SGSM1: variants seen among roughly 807,000 people sequenced by gnomAD.
SGSM1 encodes the protein RUN and TBC1 domain containing 2.
In SGSM1, 73 loss-of-function variants were observed where a neutral mutation model predicts 133.8. The observed-to-expected ratio is 0.55, with a 90% CI of 0.45 to 0.66. SGSM1 has a LOEUF of 0.66. Ranked by LOEUF, SGSM1 falls within the 30% of genes least tolerant of loss-of-function variation. The pLI is 0.00. For missense variants in SGSM1, 1,213 were observed against 1,448.1 expected (o/e 0.84, Z 2.64); for synonymous variants, 563 against 573.0 (o/e 0.98, Z 0.25).
chr22:24,884,280 G>A, intron 15 of SGSM1, 82 bp downstream of exon 15: 1 of 1,508,010 alleles, frequency 6.6e-7, no homozygotes, highest in East Asian at 2.3e-5. Context: ...AAGCCCACAT[G>A]CTTGTGGGGA....
intron 20 of SGSM1, among the ~76,000 whole-genome samples, chr22:24,903,111 A>T (rs1375026352): frequency 1.3e-5 from 2 of 152,194 alleles, no homozygotes; most frequent in East Asian, 3.8e-4. Context: ...TTCTCCCTTC[A>T]TCTCTGCCCG....
chr22:24,812,982 C>T (rs1244810225), intron 2 of SGSM1, among the ~76,000 whole-genome samples: 1 of 152,080 alleles, frequency 6.6e-6, no homozygotes, highest in Non-Finnish European at 1.5e-5. Flanking sequence ...TTAAAGGTAA[C>T]AAGAGCTCCA....
chr22:24,882,076 C>G (rs6004343), intron 14 of SGSM1, among the ~76,000 whole-genome samples: 15,676 of 151,844 alleles, frequency 0.1, 930 homozygotes, highest in South Asian at 0.22. Flanking sequence ...AAAATTTCTA[C>G]TTTTATTTTA....
At chr22:24,841,651 A>G (rs560898701) in intron 2 of SGSM1, among the ~76,000 whole-genome samples, 2 of 152,340 alleles carry the variant, frequency 1.3e-5, no homozygotes, top group Non-Finnish European at 2.9e-5. Flanking sequence ...GGTGATGGTG[A>G]CTTGGACTGG....
chr22:24,862,423 AG>A (rs111841536), intron 9 of SGSM1, among the ~76,000 whole-genome samples: 8 of 152,318 alleles, frequency 5.3e-5, no homozygotes, highest in African/African-American at 1.7e-4. Flanking sequence ...AGAAGATTGT[AG>A]TCACACAGTC....
At chr22:24,885,147 C>T (rs556669602) in intron 15 of SGSM1, among the ~76,000 whole-genome samples, 2 of 152,160 alleles carry the variant, frequency 1.3e-5, no homozygotes, top group East Asian at 3.9e-4. Context: ...GTTGGTCAGG[C>T]TGGTCTCAAA....
At chr22:24,847,587 G>C in intron 3 of SGSM1, 47 bp from the exon 4 acceptor site, 14 of 1,594,844 alleles carry the variant, frequency 8.8e-6, no homozygotes, top group Non-Finnish European at 1.2e-5. Context: ...GCTGGGTGCT[G>C]GAGTGCATGG....
intron 2 of SGSM1, among the ~76,000 whole-genome samples, chr22:24,825,674 C>G (rs1006491226): frequency 3.9e-5 from 6 of 152,200 alleles, no homozygotes; most frequent in African/African-American, 1.4e-4. Context: ...AGGTGATCCA[C>G]CCGCCTCAGC....
chr22:24,859,010 T>C (rs1381963342), intron 8 of SGSM1, among the ~76,000 whole-genome samples: 2 of 152,242 alleles, frequency 1.3e-5, no homozygotes, highest in African/African-American at 2.4e-5. Flanking sequence ...TGTGTGTCTT[T>C]GGATCAATGA....
chr22:24,912,524 A>C, intron 21 of SGSM1, 119 bp from the exon 22 acceptor site: 1 of 673,380 alleles, frequency 1.5e-6, no homozygotes, highest in Non-Finnish European at 2.5e-6. Flanking sequence ...TAAAAATACA[A>C]AAAAGGTCCA....
chr22:24,895,201 C>A (rs373451562), intron 17 of SGSM1, 22 bp from the exon 18 acceptor site: 1 of 1,595,272 alleles, frequency 6.3e-7, no homozygotes, highest in Non-Finnish European at 8.5e-7. Context: ...CCCTCCCTCC[C>A]TCCTGCTCTT....
In SGSM1 at chr22:24,898,410, G is replaced by A. The variant is rs747803377; in HGVS notation, c.2461G>A (p.Glu821Lys). The change falls in exon 19 of 25, where the codon GAG (glutamate) becomes AAG (lysine). Residue 821 changes from glutamate to lysine, a missense_variant. Glu to Lys is a moderately conservative substitution (Grantham distance 56). Coordinates refer to ENST00000400358, the MANE Select transcript of SGSM1 (RefSeq NM_001098497.3). ...TGTGATGGAGGGCTGGAGGAGCAGCGAGACAGAGAAACATGGCCAGGCGGA... is the reference window on the plus strand; with the variant it reads ...TGTGATGGAGGGCTGGAGGAGCAGCAAGACAGAGAAACATGGCCAGGCGGA... ...DVVMEGWRSSETEKHGQADSE... is the reference protein window; with the variant it reads ...DVVMEGWRSSKTEKHGQADSE... 1.6e-5 allele frequency: 26 copies of A among 1,613,784 alleles called. No homozygotes were observed. Among genetic ancestry groups the A allele is most frequent in the Middle Eastern group, 1.6e-4 (1 of 6,084 alleles).
chr22:24,823,026 A>G (rs1011268), intron 2 of SGSM1, among the ~76,000 whole-genome samples: 22,370 of 152,270 alleles, frequency 0.15, 1,910 homozygotes, highest in South Asian at 0.25. Context: ...ACTGTGTGCC[A>G]GGCTCAGTGC....
rs192418193 is a variant in SGSM1 at position 24,862,997 on chromosome 22, G to C, written c.926+3157G>C. ...GACCCTGTTTGTTGCTTGGACTTGAGCCCAGGGTTGTGTGGGCCAGAAACC... is the reference window on the plus strand; with the variant it reads ...GACCCTGTTTGTTGCTTGGACTTGACCCCAGGGTTGTGTGGGCCAGAAACC... On this transcript the variant is annotated intron_variant, in intron 9 of 24. Transcript: ENST00000400358. Among the ~76,000 whole-genome samples the C allele has an allele frequency of 1.2e-4, 19 of 152,280 alleles. No homozygotes were observed. The East Asian group carries it at 3.5e-3, about 28-fold the overall frequency.
At chr22:24,916,136 A>C (rs1933814307) in intron 22 of SGSM1, among the ~76,000 whole-genome samples, 1 of 152,146 alleles carries the variant, frequency 6.6e-6, no homozygotes, top group Non-Finnish European at 1.5e-5. Context: ...GTTTATTCAC[A>C]GAGTTATGCA....
intron 2 of SGSM1, among the ~76,000 whole-genome samples, chr22:24,820,773 C>G (rs560305001): frequency 6.6e-6 from 1 of 152,326 alleles, no homozygotes; most frequent in East Asian, 1.9e-4. Flanking sequence ...GTGTACCAGA[C>G]TCTGTGCTGG....
chr22:24,850,913 C>T (rs1046354298), intron 5 of SGSM1, among the ~76,000 whole-genome samples: 4 of 151,946 alleles, frequency 2.6e-5, no homozygotes, highest in East Asian at 3.9e-4. Flanking sequence ...CTGACTAATG[C>T]GGTGAAACCC....
Position 24,893,621 on chromosome 22 carries a change from G to A in SGSM1, c.1953+8G>A. 5 of 1,552,750 alleles carry A rather than the reference G, an allele frequency of 3.2e-6. No homozygotes were observed. The highest frequency in any genetic ancestry group is 4.3e-6 in the Non-Finnish European group (5 of 1,149,564). Reference sequence around the variant, plus strand: ...TCAACCATCAGCAATGAGGTGATGGGCGGCTGGCCTCGGGGAGCGCGGGGG... The same window carrying A: ...TCAACCATCAGCAATGAGGTGATGGACGGCTGGCCTCGGGGAGCGCGGGGG... On this transcript the variant is annotated splice_region_variant and intron_variant, in intron 17 of 24. Transcript: ENST00000400358.
At chr22:24,911,894 A>G (rs981260950) in intron 21 of SGSM1, among the ~76,000 whole-genome samples, 1 of 152,088 alleles carries the variant, frequency 6.6e-6, no homozygotes, top group Non-Finnish European at 1.5e-5. Context: ...CTCTACTAAA[A>G]AGACAAAAAA....
Sources: gnomAD v4.1 joint callset for allele counts (sites outside exome capture counted in the v4.1 genomes callset) on GRCh38, gnomAD v4.1.1 for gene constraint, MANE v1.5 for transcripts, NCBI Gene and HGNC (gene_info 2026-07-23, HGNC 2026-07-21) for gene names.